The following EPHA5 variants were observed in gnomAD, a reference collection of about 807,000 sequenced individuals.
EPHA5 encodes ephrin type-A receptor 5.
Under a neutral mutation model 105.0 loss-of-function variants are expected in EPHA5, and 60 were observed. The observed-to-expected ratio is 0.57, with a 90% CI of 0.46 to 0.71. The LOEUF is 0.71. Among genes scored for constraint, EPHA5 ranks in the 30% least tolerant of loss-of-function variants. The pLI is 0.00. For missense variants in EPHA5, 1,218 were observed against 1,274.7 expected (o/e 0.96, Z 0.68); for synonymous variants, 513 against 449.1 (o/e 1.14, Z -1.80).
At chr4:65,479,024 A>G (rs532265005) in intron 5 of EPHA5, among the ~76,000 whole-genome samples, 9 of 152,192 alleles carry the variant, frequency 5.9e-5, no homozygotes, top group Non-Finnish European at 8.8e-5. Context: ...TACTTTACCA[A>G]TGAGTCTGTC....
chr4:65,509,340 GT>G lies in EPHA5; in HGVS notation c.911-13798del, dbSNP rs138567079. Among the ~76,000 whole-genome samples the G allele has an allele frequency of 5.6e-3, 855 of 152,188 alleles. 7 individuals are homozygous for G. The highest frequency in any genetic ancestry group is 0.02 in the African/African-American group (818 of 41,526). ...CTACATTTAGTTAACTGTTCGACCT[GT>G]TTGATACAATTATTACTACAGAAAT... On this transcript the variant is annotated intron_variant, in intron 3 of 16. Coordinates refer to ENST00000613740, the MANE Select transcript of EPHA5 (RefSeq NM_001281766.3).
chr4:65,628,884 T>G (rs1746384859), intron 2 of EPHA5, among the ~76,000 whole-genome samples: 1 of 151,938 alleles, frequency 6.6e-6, no homozygotes, highest in Non-Finnish European at 1.5e-5. Flanking sequence ...TCTCTTAAAT[T>G]TTTTTTTCTA....
chr4:65,424,659 C>T lies in EPHA5; in HGVS notation c.1403-4094G>A, dbSNP rs368973311. 4.6e-5 allele frequency among the ~76,000 whole-genome samples: 7 copies of T among 152,082 alleles called. No homozygotes were observed. The East Asian group carries it at 9.7e-4, about 21-fold the overall frequency. ...TCCTTTATCAGTCAAAATTATTTGT[C>T]GCTTCTTCTCTGAACTTGGCACTGC... On this transcript the variant is annotated intron_variant, in intron 5 of 16. Transcript: ENST00000613740.
intron 11 of EPHA5, among the ~76,000 whole-genome samples, chr4:65,355,278 G>A (rs765433716): frequency 6.6e-6 from 1 of 151,462 alleles, no homozygotes; most frequent in Non-Finnish European, 1.5e-5. Context: ...AAAACTAGAT[G>A]GAAGTGAAAT....
At chr4:65,627,527 C>G (rs1210619070) in intron 2 of EPHA5, among the ~76,000 whole-genome samples, 1 of 152,100 alleles carries the variant, frequency 6.6e-6, no homozygotes, top group Non-Finnish European at 1.5e-5. Context: ...CTTCAGTCCT[C>G]TAGTTATTCA....
intron 16 of EPHA5, 194 bp downstream of exon 16, chr4:65,331,779 A>C: frequency 8.0e-7 from 1 of 1,245,998 alleles, no homozygotes; most frequent in Non-Finnish European, 1.0e-6. Flanking sequence ...TGAAGCAAAG[A>C]AGCAAAGATA....
chr4:65,596,053 G>C (rs530868791), intron 3 of EPHA5, among the ~76,000 whole-genome samples: 1 of 152,280 alleles, frequency 6.6e-6, no homozygotes, highest in Admixed American at 6.5e-5. Context: ...TACAAGCAGC[G>C]TATTTCCCAC....
At chr4:65,531,016 T>TTTTTTTTATTTTTTTTA (rs1578350527) in intron 3 of EPHA5, among the ~76,000 whole-genome samples, 2 of 123,074 alleles carry the variant, frequency 1.6e-5, no homozygotes, top group East Asian at 4.4e-4. Context: ...ATTTTTTTTA[T>TTTTTTTTATTTTTTTTA]TTTTTTTATT....
intron 5 of EPHA5, among the ~76,000 whole-genome samples, chr4:65,456,225 C>A (rs913773693): frequency 2.6e-5 from 4 of 152,118 alleles, no homozygotes; most frequent in African/African-American, 9.7e-5. Flanking sequence ...ATTTCTATTG[C>A]AGAGGCAGAT....
At chr4:65,409,712 C>T (rs1210666833) in intron 7 of EPHA5, among the ~76,000 whole-genome samples, 4 of 152,082 alleles carry the variant, frequency 2.6e-5, no homozygotes, top group African/African-American at 9.7e-5. Context: ...ATCAGGGTAA[C>T]TTAATCAAAG....
At chr4:65,448,983 A>T (rs1726825426) in intron 5 of EPHA5, among the ~76,000 whole-genome samples, 1 of 152,168 alleles carries the variant, frequency 6.6e-6, no homozygotes, top group African/African-American at 2.4e-5. Context: ...AATAATTTTT[A>T]AAAAATTGAC....
At chr4:65,340,168 G>A (rs1721577405) in intron 14 of EPHA5, among the ~76,000 whole-genome samples, 1 of 152,110 alleles carries the variant, frequency 6.6e-6, no homozygotes, top group South Asian at 2.1e-4. Flanking sequence ...GCTGGTACAA[G>A]CTTGTTGGGG....
chr4:65,587,539 C>G (rs1160312638), intron 3 of EPHA5, among the ~76,000 whole-genome samples: 2 of 152,120 alleles, frequency 1.3e-5, no homozygotes, highest in Non-Finnish European at 2.9e-5. Context: ...TGTACACAAT[C>G]TCTCCCTCAA....
chr4:65,539,841 A>G (rs564615654), intron 3 of EPHA5, among the ~76,000 whole-genome samples: 1 of 151,718 alleles, frequency 6.6e-6, no homozygotes, highest in Non-Finnish European at 1.5e-5. Context: ...ACAATAAACT[A>G]TACAATAAGC....
At chr4:65,465,535 AGGAAAGGAAG>A (rs1560567618) in intron 5 of EPHA5, among the ~76,000 whole-genome samples, 131 of 71,224 alleles carry the variant, frequency 1.8e-3, no homozygotes, top group Non-Finnish European at 2.5e-3. Context: ...AAGAAAAGAA[AGGAAAGGAAG>A]GAAAGGAAGG....
intron 5 of EPHA5, among the ~76,000 whole-genome samples, chr4:65,465,461 GAAAGA>G (rs1560566763): frequency 2.0e-4 from 13 of 65,208 alleles, no homozygotes; most frequent in African/African-American, 7.3e-4. Context: ...AGAAAGAAAA[GAAAGA>G]AAAAGAAAGA....
Position 65,480,404 on chromosome 4 carries a change from C to T in EPHA5, c.1402+9973G>A, listed in dbSNP as rs143790604. ...AAAAAACTCAGTTTCCGTTTCTCCT[C>T]GCATAAAGGTATATGGCTTCAGATA... On this transcript the variant is annotated intron_variant, in intron 5 of 16. Transcript: ENST00000613740. 1.6e-3 allele frequency among the ~76,000 whole-genome samples: 245 copies of T among 152,238 alleles called. 1 individual carries two copies. Among genetic ancestry groups the T allele is most frequent in the African/African-American group, 5.4e-3 (226 of 41,546 alleles).
chr4:65,578,856 G>C (rs1741327091), intron 3 of EPHA5, among the ~76,000 whole-genome samples: 1 of 151,912 alleles, frequency 6.6e-6, no homozygotes, highest in South Asian at 2.1e-4. Context: ...TGCTTCTAGA[G>C]CCTATAATTA....
intron 3 of EPHA5, among the ~76,000 whole-genome samples, chr4:65,516,620 C>G (rs1030230713): frequency 6.6e-6 from 1 of 151,930 alleles, no homozygotes; most frequent in Non-Finnish European, 1.5e-5. Flanking sequence ...TTCTGTTTTT[C>G]TGGAGAACAC....
Sources: allele counts gnomAD v4.1 joint callset (sites outside exome capture counted in the v4.1 genomes callset), GRCh38; gene constraint gnomAD v4.1.1; transcripts MANE v1.5; gene names NCBI Gene and HGNC (gene_info 2026-07-23, HGNC 2026-07-21).